Variants in MEX3B observed in about 807,000 individuals in gnomAD.
MEX3B encodes RNA-binding protein MEX3B.
Under a neutral mutation model 12.2 loss-of-function variants are expected in MEX3B, and 10 were observed. That is an observed-to-expected ratio of 0.82 (90% CI 0.51 to 1.40). The LOEUF (loss-of-function observed/expected upper bound fraction) is 1.40. MEX3B is among the 40% of genes most tolerant of loss of function. The pLI is 0.00. For synonymous variants in MEX3B, 498 were observed against 356.3 expected, an observed-to-expected ratio of 1.40 and a Z score of -4.48; for missense variants, 839 against 801.4, an observed-to-expected ratio of 1.05 and a Z score of -0.57.
intron 1 of MEX3B, chr15:82,045,010 G>C: frequency 3.4e-6 from 2 of 587,096 alleles, no homozygotes; most frequent in Non-Finnish European, 6.0e-6. Flanking sequence ...GTCGACTGGG[G>C]GTAGGGGGTG....
rs1344192921 is a variant in MEX3B at position 82,043,798 on chromosome 15, C to T, written c.1072G>A (p.Glu358Lys). ...ASVPSPDGCP[E>K]LQPTFDPAPA... is the part of the protein sequence containing the mutation. Reference sequence around the variant, plus strand: ...GCCGGGTCAAAAGTGGGCTGCAGCTCGGGGCAGCCGTCGGGGGATGGCACT... The same window carrying T: ...GCCGGGTCAAAAGTGGGCTGCAGCTTGGGGCAGCCGTCGGGGGATGGCACT... The change falls in exon 2 of 2, where the codon GAG (glutamate) becomes AAG (lysine). Residue 358 changes from glutamate to lysine, a missense_variant. Physicochemically the swap from Glu to Lys is moderately conservative, Grantham distance 56. Coordinates refer to ENST00000329713, the MANE Select transcript of MEX3B (RefSeq NM_032246.6). The T allele has an allele frequency of 1.3e-6, 2 of 1,582,948 alleles. No individual in the cohort carries two copies. Among genetic ancestry groups the T allele is most frequent in the Non-Finnish European group, 1.7e-6 (2 of 1,165,312 alleles).
At chr15:82,045,184 T>C in intron 1 of MEX3B, 1 of 620,758 alleles carries the variant, frequency 1.6e-6, no homozygotes, top group South Asian at 1.9e-5. Context: ...ATTGTCTTTC[T>C]GGAGGTGGGC....
Position 82,044,495 on chromosome 15 carries a change from C to T in MEX3B, c.375G>A (p.Arg125=), listed in dbSNP as rs1446963656. 7 of 1,614,080 alleles carry T rather than the reference C, an allele frequency of 4.3e-6. No homozygotes were observed. The highest frequency in any genetic ancestry group is 2.2e-5 in the East Asian group (1 of 44,870). The change falls in exon 2 of 2, where the codon AGG becomes AGA. Residue 125 remains arginine, a synonymous_variant. Coordinates refer to ENST00000329713, the MANE Select transcript of MEX3B (RefSeq NM_032246.6). This position sits in a 1 kb window ranked among gnomAD's most constrained non-coding sequence, Gnocchi z 5.3. ...GRKEDVAMAR[R]EIISAAEHFS... is the part of the protein sequence containing the mutation. ...AGTGCTCGGCAGCAGAGATGATCTC[C>T]CTCCGAGCCATGGCCACATCCTCCT...
chr15:82,043,784 A>G lies in MEX3B; in HGVS notation c.1086T>C (p.Thr362=). Residue 362 remains threonine, a synonymous_variant, in exon 2 of 2, where the codon ACT becomes ACC. Transcript: ENST00000329713. ...SPDGCPELQP[T]FDPAPAPPPG... is the part of the protein sequence containing the mutation. ...GTGGGGGAGCGGGAGCCGGGTCAAA[A>G]GTGGGCTGCAGCTCGGGGCAGCCGT... 8 of 1,579,130 alleles carry G rather than the reference A, an allele frequency of 5.1e-6. No individual in the cohort carries two copies. Among genetic ancestry groups the G allele is most frequent in the Non-Finnish European group, 6.9e-6 (8 of 1,163,436 alleles).
Position 82,043,084 on chromosome 15 carries a change from C to T in MEX3B, c.*76G>A. 2 of 1,311,626 alleles carry T rather than the reference C, an allele frequency of 1.5e-6. No homozygotes were observed. The highest frequency in any genetic ancestry group is 2.0e-6 in the Non-Finnish European group (2 of 1,014,696). 81.2% of individuals were successfully genotyped at this position (1,311,626 alleles called of 1,614,324 possible). A position where few individuals can be genotyped will look rare whatever the true frequency, so the allele number is the denominator to read the frequency against. On this transcript the variant is annotated 3_prime_UTR_variant, in exon 2 of 2. Transcript: ENST00000329713. ...GAGGGGGGGCACCCAGGGAGGCAGG[C>T]GAGCGCTGGGGAAAGAGGGTGGGGA... is the stretch of plus-strand genomic sequence containing the variant.
Position 82,044,094 on chromosome 15 carries a change from G to T in MEX3B, c.776C>A (p.Ser259Tyr). The change falls in exon 2 of 2, where the codon TCC becomes TAC. Residue 259 changes from serine (S) to tyrosine (Y), a missense_variant. This residue lies in a region of MEX3B where 573 missense variants were observed against 488.9 expected (regional missense o/e 1.17). Transcript: ENST00000329713. The surrounding 1 kb of genome is among the most constrained non-coding windows in gnomAD (Gnocchi z 5.3). ...CTTGCTCCAGAGGCTGCCTGGGCCGGACCCGCCGGACCCATGATGCAGATC... is the reference window on the plus strand; with the variant it reads ...CTTGCTCCAGAGGCTGCCTGGGCCGTACCCGCCGGACCCATGATGCAGATC... ...GFDLHHGSGG[S>Y]GPGSLWSKPT... 5 of 1,611,860 alleles carry T rather than the reference G, an allele frequency of 3.1e-6. No homozygotes were observed. The highest frequency in any genetic ancestry group is 4.2e-6 in the Non-Finnish European group (5 of 1,179,718).
chr15:82,044,356 C>A lies in MEX3B; in HGVS notation c.514G>T (p.Val172Leu). ...CCTTTGGGCCCCACCACGAGCCCCA[C>A]CACGCGGTAGGGTACCCGCACTTGG... ...TIQVRVPYRV[V>L]GLVVGPKGAT... The change falls in exon 2 of 2, where the codon GTG (valine) becomes TTG (leucine). Residue 172 changes from valine (V) to leucine (L), a missense_variant. Coordinates refer to ENST00000329713, the MANE Select transcript of MEX3B (RefSeq NM_032246.6). This position sits in a 1 kb window ranked among gnomAD's most constrained non-coding sequence, Gnocchi z 5.3. 6.2e-7 allele frequency: 1 copy of A among 1,612,090 alleles called. No homozygotes were observed. Among genetic ancestry groups the A allele is most frequent in the Non-Finnish European group, 8.5e-7 (1 of 1,179,848 alleles).
At position 82,044,407 on chromosome 15, in the gene MEX3B, G is replaced by C; in HGVS notation, c.463C>G (p.Pro155Ala). 1 of 1,611,492 alleles carries C rather than the reference G, an allele frequency of 6.2e-7. No homozygotes were observed. Among genetic ancestry groups the C allele is most frequent in the Non-Finnish European group, 8.5e-7 (1 of 1,179,522 alleles). Residue 155 changes from proline to alanine, a missense_variant, in exon 2 of 2, where the codon CCC becomes GCC. Coordinates refer to ENST00000329713, the MANE Select transcript of MEX3B (RefSeq NM_032246.6). This position sits in a 1 kb window ranked among gnomAD's most constrained non-coding sequence, Gnocchi z 5.3. ...ATGGTGGTCTGCCCGGGCAGGTTGG[G>C]CGGCCCAGGCACCGCGCCGTTGAGT... Reference protein sequence around the residue: ...TALNGAVPGPPNLPGQTTIQV... With the variant: ...TALNGAVPGPANLPGQTTIQV...
chr15:82,045,214 G>C, intron 1 of MEX3B: 1 of 648,394 alleles, frequency 1.5e-6, no homozygotes. Context: ...GGCGTTAGGG[G>C]AGAAGGCAGT....
At chr15:82,045,267 G>T (rs909434103) in intron 1 of MEX3B, 183 bp downstream of exon 1, 3 of 768,484 alleles carry the variant, frequency 3.9e-6, no homozygotes, top group Non-Finnish European at 4.4e-6. Flanking sequence ...GCAGCGGCGC[G>T]GCTCCGGGAG....
Position 82,043,571 on chromosome 15 carries a change from G to C in MEX3B, c.1299C>G (p.His433Gln). The C allele has an allele frequency of 6.4e-7, 1 of 1,555,594 alleles. No homozygotes were observed. The highest frequency in any genetic ancestry group is 1.2e-5 in the South Asian group (1 of 82,968). ...NLGLLVHRRL[H>Q]PGTSCPRLSP... is the part of the protein sequence containing the mutation. ...ACAGGCGCGGGCAGCTGGTGCCAGG[G>C]TGCAGCCGGCGGTGCACCAATAGCC... Residue 433 changes from histidine to glutamine, a missense_variant, in exon 2 of 2, where the codon CAC (histidine) becomes CAG (glutamine). This residue lies in a region of MEX3B where 573 missense variants were observed against 488.9 expected (regional missense o/e 1.17). Coordinates refer to ENST00000329713, the MANE Select transcript of MEX3B (RefSeq NM_032246.6).
At position 82,042,324 on chromosome 15, in the gene MEX3B, T is replaced by G. The variant is rs893336989; in HGVS notation, c.*836A>C. On this transcript the variant is annotated 3_prime_UTR_variant, in exon 2 of 2. Transcript: ENST00000329713. ...GAATACTGTTCAAAACATTACACAT[T>G]TTATGGTTGTAATTCCGTCACAATT... 10 of 152,718 alleles carry G rather than the reference T, an allele frequency of 6.5e-5. No homozygotes were observed. The highest frequency in any genetic ancestry group is 3.3e-4 in the Admixed American group (5 of 15,302). 9.5% of individuals were successfully genotyped at this position (152,718 alleles called of 1,614,324 possible).
Position 82,043,344 on chromosome 15 carries a change from C to T in MEX3B, c.1526G>A (p.Gly509Glu). The change falls in exon 2 of 2, where the codon GGG becomes GAG. Residue 509 changes from glycine to glutamate, a missense_variant. By Grantham distance (98) the Gly-to-Glu change is moderately conservative (BLOSUM62 -2). Coordinates refer to ENST00000329713, the MANE Select transcript of MEX3B (RefSeq NM_032246.6). ...SSSSSSSSSS[G>E]LRRKGSRDCS... ...GTCGCGGCTGCCTTTACGCCGAAGC[C>T]CGGAGGAAGAGGATGAAGAGCTGGA... 1 of 1,597,570 alleles carries T rather than the reference C, an allele frequency of 6.3e-7. No homozygotes were observed. The highest frequency in any genetic ancestry group is 8.5e-7 in the Non-Finnish European group (1 of 1,171,772).
At position 82,044,716 on chromosome 15, in the gene MEX3B, G is replaced by A. The variant is rs1596007072; in HGVS notation, c.257-103C>T. The stretch of plus-strand genomic sequence containing the variant: ...GGGGACAGCCCGCGTCCAGGACAGC[G>A]AGACGGCAGGACAAGAGATGGGCGG... On this transcript the variant is annotated intron_variant, in intron 1 of 1. Coordinates refer to ENST00000329713, the MANE Select transcript of MEX3B (RefSeq NM_032246.6). The surrounding 1 kb of genome is among the most constrained non-coding windows in gnomAD (Gnocchi z 5.3). The A allele has an allele frequency of 9.0e-7, 1 of 1,114,038 alleles. No homozygotes were observed. Among genetic ancestry groups the A allele is most frequent in the Non-Finnish European group, 1.3e-6 (1 of 750,852 alleles). 69.0% of individuals were successfully genotyped at this position (1,114,038 alleles called of 1,614,324 possible).
Position 82,044,414 on chromosome 15 carries a change from A to C in MEX3B, c.456T>G (p.Pro152=), listed in dbSNP as rs563265147. The change falls in exon 2 of 2, where the codon CCT becomes CCG. Residue 152 remains proline, a synonymous_variant. Coordinates refer to ENST00000329713, the MANE Select transcript of MEX3B (RefSeq NM_032246.6). This position sits in a 1 kb window ranked among gnomAD's most constrained non-coding sequence, Gnocchi z 5.3. ...TCTGCCCGGGCAGGTTGGGCGGCCCAGGCACCGCGCCGTTGAGTGCCGTGT... is the reference window on the plus strand; with the variant it reads ...TCTGCCCGGGCAGGTTGGGCGGCCCCGGCACCGCGCCGTTGAGTGCCGTGT... ...NKNTALNGAV[P]GPPNLPGQTT... 1 of 1,611,850 alleles carries C rather than the reference A, an allele frequency of 6.2e-7. No homozygotes were observed.
Position 82,042,005 on chromosome 15 carries a change from A to G in MEX3B, c.*1155T>C, listed in dbSNP as rs1044874199. 4 of 152,644 alleles carry G rather than the reference A, an allele frequency of 2.6e-5. No homozygotes were observed. Among genetic ancestry groups the G allele is most frequent in the African/African-American group, 9.6e-5 (4 of 41,468 alleles). The allele number at this position is 152,644 out of a possible 1,614,324, so 9.5% of individuals were successfully genotyped here. ...CTTTGTTTTTTAAACTTTGCTCAGT[A>G]AAGTACATTTAAGCTCAAGTAACAT... On this transcript the variant is annotated 3_prime_UTR_variant, in exon 2 of 2. Transcript: ENST00000329713.
At position 82,044,444 on chromosome 15, in the gene MEX3B, A is replaced by T; in HGVS notation, c.426T>A (p.Asn142Lys). 1.9e-6 allele frequency: 3 copies of T among 1,613,212 alleles called. No homozygotes were observed. Among genetic ancestry groups the T allele is most frequent in the Non-Finnish European group, 2.5e-6 (3 of 1,179,992 alleles). Reference sequence around the variant, plus strand: ...CCGCGCCGTTGAGTGCCGTGTTCTTATTCCGGGAGGCGCGGATCATGGAGA... The same window carrying T: ...CCGCGCCGTTGAGTGCCGTGTTCTTTTTCCGGGAGGCGCGGATCATGGAGA... The part of the protein sequence containing the change: ...EHFSMIRASR[N>K]KNTALNGAVP... The change falls in exon 2 of 2, where the codon AAT (asparagine) becomes AAA (lysine). Residue 142 changes from asparagine to lysine, a missense_variant. This residue lies in a region of MEX3B where 214 missense variants were observed against 223.8 expected (regional missense o/e 0.96). Coordinates refer to ENST00000329713, the MANE Select transcript of MEX3B (RefSeq NM_032246.6). The surrounding 1 kb of genome is among the most constrained non-coding windows in gnomAD (Gnocchi z 5.3).
In MEX3B at chr15:82,044,036, G is replaced by A. The variant is rs760980649; in HGVS notation, c.834C>T (p.Arg278=). The stretch of plus-strand genomic sequence containing the variant: ...CGTTGCGGTAGCTAGAGAAAGGCTT[G>A]CGGCCGGGGGTGGGCGTGATGCTGG... The part of the protein sequence containing the change: ...PTPSITPTPG[R]KPFSSYRNDS... Residue 278 remains arginine (R), a synonymous_variant, in exon 2 of 2, where the codon CGC becomes CGT. Coordinates refer to ENST00000329713, the MANE Select transcript of MEX3B (RefSeq NM_032246.6). This position sits in a 1 kb window ranked among gnomAD's most constrained non-coding sequence, Gnocchi z 5.3. 2 of 1,606,428 alleles carry A rather than the reference G, an allele frequency of 1.2e-6. No individual in the cohort carries two copies. Among genetic ancestry groups the A allele is most frequent in the South Asian group, 1.1e-5 (1 of 90,816 alleles).
In MEX3B at chr15:82,042,019, C is replaced by A. The variant is rs2073222919; in HGVS notation, c.*1141G>T. On this transcript the variant is annotated 3_prime_UTR_variant, in exon 2 of 2. Coordinates refer to ENST00000329713, the MANE Select transcript of MEX3B (RefSeq NM_032246.6). The stretch of plus-strand genomic sequence containing the variant: ...CTTTGCTCAGTAAAGTACATTTAAG[C>A]TCAAGTAACATCACCTACATATACA... 1 of 152,534 alleles carries A rather than the reference C, an allele frequency of 6.6e-6. No individual in the cohort carries two copies. The highest frequency in any genetic ancestry group is 2.4e-5 in the African/African-American group (1 of 41,410). The allele number at this position is 152,534 out of a possible 1,614,324, so 9.4% of individuals were successfully genotyped here. A position where few individuals can be genotyped will look rare whatever the true frequency, so the allele number is the denominator to read the frequency against.
Sources: gnomAD v4.1 joint callset for allele counts on GRCh38, gnomAD v4.1.1 for gene constraint, gnomAD v4.1.1 regional missense constraint, Gnocchi (gnomAD v3.1) non-coding constraint, MANE v1.5 for transcripts, NCBI Gene and HGNC (gene_info 2026-07-23, HGNC 2026-07-21) for gene names.